SP110: variants seen among roughly 807,000 people sequenced by gnomAD.
SP110 encodes the protein interferon-induced protein 41, 30kD.
A neutral mutation model predicts 92.7 loss-of-function variants in SP110; 62 were observed. That is an observed-to-expected ratio of 0.67 (90% confidence interval 0.55 to 0.83). The LOEUF (loss-of-function observed/expected upper bound fraction) is 0.83. Ranked by LOEUF, SP110 falls within the 40% of genes least tolerant of loss-of-function variation. The pLI is 0.00. For synonymous variants in SP110, 273 were observed against 305.3 expected, an observed-to-expected ratio of 0.89 and a Z score of 1.10; for missense variants, 793 against 863.9, an observed-to-expected ratio of 0.92 and a Z score of 1.03.
chr2:230,196,363 A>C (rs1220462605), intron 10 of SP110, among the ~76,000 whole-genome samples: 1 of 152,120 alleles, frequency 6.6e-6, no homozygotes, highest in East Asian at 1.9e-4. Context: ...CCATGCAGTT[A>C]AAAAAATAGA....
At chr2:230,183,706 ATCT>A in intron 11 of SP110, 66 bp from the exon 12 acceptor site, 1 of 1,043,420 alleles carries the variant, frequency 9.6e-7, no homozygotes, top group Non-Finnish European at 1.5e-6. Context: ...TAGGTTAACA[ATCT>A]TCAAGCATTT....
chr2:230,213,683 A>C (rs1231785285), intron 3 of SP110: 2 of 152,472 alleles, frequency 1.3e-5, no homozygotes, highest in Non-Finnish European at 2.9e-5. Context: ...GTGAATGGAA[A>C]AAGGAAAGTA....
At chr2:230,213,530 A>G (rs62193105) in intron 3 of SP110, 2,002 of 172,982 alleles carry the variant, frequency 0.012, 18 homozygotes, top group Non-Finnish European at 0.018. Flanking sequence ...GTACCCTGTG[A>G]TCTGGTCACA....
intron 10 of SP110, among the ~76,000 whole-genome samples, chr2:230,190,507 G>A (rs188663488): frequency 6.6e-6 from 1 of 151,864 alleles, no homozygotes; most frequent in African/African-American, 2.4e-5. Context: ...TCTGTAGGTT[G>A]CCTGTTCACT....
At position 230,187,738 on chromosome 2, in the gene SP110, T is replaced by C. The variant is rs943102284; in HGVS notation, c.1130-1595A>G. Among the ~76,000 whole-genome samples the C allele has an allele frequency of 2.0e-5, 3 of 152,222 alleles. 1 individual carries two copies. The highest frequency in any genetic ancestry group is 2.0e-4 in the Admixed American group (3 of 15,278). On this transcript the variant is annotated intron_variant, in intron 10 of 18. Transcript: ENST00000258381. ...TAACCAGTTTTCCCAGCACCATTTA[T>C]TAAATATGGTGTCATTTCCCCAATT...
chr2:230,185,946 C>T, intron 11 of SP110, 48 bp downstream of exon 11: 1 of 1,541,420 alleles, frequency 6.5e-7, no homozygotes, highest in Non-Finnish European at 9.0e-7. Flanking sequence ...TCCAAGAGGC[C>T]CTCCTACATT....
chr2:230,177,510 T>C, intron 14 of SP110, 28 bp downstream of exon 14: 1 of 1,611,928 alleles, frequency 6.2e-7, no homozygotes, highest in East Asian at 2.2e-5. Flanking sequence ...TTTAAACCTG[T>C]CACCTATCTG....
chr2:230,176,627 A>G (rs2041870044), intron 14 of SP110: 3 of 1,613,884 alleles, frequency 1.9e-6, no homozygotes, highest in Non-Finnish European at 2.5e-6. Flanking sequence ...CCAGACAGGG[A>G]AAGTCTGCAA....
At chr2:230,201,329 T>C (rs1030475989) in intron 9 of SP110, among the ~76,000 whole-genome samples, 1 of 152,220 alleles carries the variant, frequency 6.6e-6, no homozygotes, top group Admixed American at 6.5e-5. Context: ...CATAATATGA[T>C]GTTATTTGCC....
Position 230,167,353 on chromosome 2 carries a change from C to T in SP110, c.*1771G>A, listed in dbSNP as rs2078327028. 6.6e-6 allele frequency: 1 copy of T among 150,928 alleles called. No homozygotes were observed. The highest frequency in any genetic ancestry group is 6.6e-5 in the Admixed American group (1 of 15,040). 9.3% of individuals were successfully genotyped at this position (150,928 alleles called of 1,614,324 possible). On this transcript the variant is annotated 3_prime_UTR_variant, in exon 19 of 19. Coordinates refer to ENST00000258381, the MANE Select transcript of SP110 (RefSeq NM_080424.4). The stretch of plus-strand genomic sequence containing the variant: ...TCTTCAACTCCTGGACTCAAGCGAT[C>T]CACCTGCCTCGGCCTCCTAAAGTGC...
At chr2:230,200,599 T>C in intron 10 of SP110, 1 of 476,072 alleles carries the variant, frequency 2.1e-6, no homozygotes, top group South Asian at 2.2e-5. Context: ...TCAGTAATGG[T>C]GATATTGCTG....
In SP110 at chr2:230,211,615, G is replaced by T; in HGVS notation, c.668-62C>A. 1 of 992,548 alleles carries T rather than the reference G, an allele frequency of 1.0e-6. No homozygotes were observed. The highest frequency in any genetic ancestry group is 1.6e-6 in the Non-Finnish European group (1 of 613,474). 61.5% of individuals were successfully genotyped at this position (992,548 alleles called of 1,614,324 possible). A position where few individuals can be genotyped will look rare whatever the true frequency, so the allele number is the denominator to read the frequency against. On this transcript the variant is annotated intron_variant, in intron 5 of 18. Transcript: ENST00000258381. The surrounding 1 kb of genome is among the most constrained non-coding windows in gnomAD (Gnocchi z 4.2). ...CAGCAAGCAGGGACCAGAATGAGGA[G>T]AAAAGAGAATGCTCTATTCCAACAA...
chr2:230,171,542 G>A (rs2078440519), intron 17 of SP110, 154 bp downstream of exon 17: 2 of 704,284 alleles, frequency 2.8e-6, no homozygotes, highest in South Asian at 1.6e-5. Flanking sequence ...TCTCCAGAGT[G>A]TGCAGCAAAA....
In SP110 at chr2:230,200,927, T is replaced by A; in HGVS notation, c.1087A>T (p.Arg363Trp). 6.2e-7 allele frequency: 1 copy of A among 1,613,994 alleles called. No homozygotes were observed. The highest frequency in any genetic ancestry group is 8.5e-7 in the Non-Finnish European group (1 of 1,179,832). ...GGTGTACTAGGCGTCTTCTGGGACC[T>A]CTTTCCTTCATTCATTTCTGAAGTG... ...DGTSEMNEGK[R>W]SQKTPSTPRR... Residue 363 changes from arginine (R) to tryptophan (W), a missense_variant, in exon 10 of 19, where the codon AGG (arginine) becomes TGG (tryptophan). By Grantham distance (101) the Arg-to-Trp change is moderately radical (BLOSUM62 -3). Transcript: ENST00000258381.
At position 230,172,080 on chromosome 2, in the gene SP110, G is replaced by A; in HGVS notation, c.1801C>T (p.Pro601Ser). ...ATCCAACTCACCAGCTGGTCCTGAG[G>A]CTGCATCTGCCTCTCCAGGGTCTTA... ...VSKTLERQMQ[P>S]QDQLKCEFLL... Residue 601 changes from proline (P) to serine (S), a missense_variant, in exon 16 of 19, where the codon CCT (proline) becomes TCT (serine). Transcript: ENST00000258381. 2 of 1,604,576 alleles carry A rather than the reference G, an allele frequency of 1.2e-6. No homozygotes were observed. Among genetic ancestry groups the A allele is most frequent in the Non-Finnish European group, 1.7e-6 (2 of 1,171,166 alleles).
intron 12 of SP110, 85 bp from the exon 13 acceptor site, chr2:230,178,340 T>C: frequency 1.3e-6 from 1 of 796,590 alleles, no homozygotes; most frequent in South Asian, 1.4e-5. Flanking sequence ...ATTCCAATAA[T>C]GTACAGGGTA....
In SP110 at chr2:230,170,798, G is replaced by T. The variant is rs41309116; in HGVS notation, c.1888-37C>A. 1.1e-5 allele frequency: 18 copies of T among 1,609,362 alleles called. No individual in the cohort carries two copies. The South Asian group carries it at 2.0e-4, about 18-fold the overall frequency. ...AGCCACCAGAGGTGACGTTAGCACA[G>T]CTGTCATCACTGGAATGGATCCAAC... is the stretch of plus-strand genomic sequence containing the variant. On this transcript the variant is annotated intron_variant, in intron 17 of 18. Transcript: ENST00000258381.
intron 11 of SP110, among the ~76,000 whole-genome samples, 176 bp from the exon 12 acceptor site, chr2:230,183,816 A>C (rs560630918): frequency 6.6e-6 from 1 of 152,340 alleles, no homozygotes; most frequent in East Asian, 1.9e-4. Context: ...CAGCAAGCTC[A>C]TGTTAATAGG....
At chr2:230,171,341 C>A in intron 17 of SP110, 1 of 343,188 alleles carries the variant, frequency 2.9e-6, no homozygotes, top group Non-Finnish European at 5.6e-6. Flanking sequence ...ATCTGCCCGC[C>A]TTGGCCTCCC....
Sources: gnomAD v4.1 joint callset for allele counts (sites outside exome capture counted in the v4.1 genomes callset) on GRCh38, gnomAD v4.1.1 for gene constraint, Gnocchi (gnomAD v3.1) non-coding constraint, MANE v1.5 for transcripts, NCBI Gene and HGNC (gene_info 2026-07-23, HGNC 2026-07-21) for gene names.